Variants in STARD13 observed in about 807,000 individuals in gnomAD.
STARD13 encodes StAR related lipid transfer domain containing 13.
Under a neutral mutation model 106.4 loss-of-function variants are expected in STARD13, and 62 were observed. That is an observed-to-expected ratio of 0.58 (90% CI 0.48 to 0.72). The LOEUF is 0.72. Ranked by LOEUF, STARD13 falls within the 30% of genes least tolerant of loss-of-function variation. STARD13 has a pLI of 0.00. For synonymous variants in STARD13, 565 were observed against 553.0 expected, an observed-to-expected ratio of 1.02 and a Z score of -0.31; for missense variants, 1,387 against 1,424.0, an observed-to-expected ratio of 0.97 and a Z score of 0.42.
the STARD13 span, among the ~76,000 whole-genome samples, chr13:33,528,757 T>C: frequency 3.3e-5 from 5 of 152,256 alleles, no homozygotes; most frequent in South Asian, 2.1e-4. Context: ...GATTTCTTTT[T>C]TTCATCATAG....
intron 1 of STARD13, among the ~76,000 whole-genome samples, chr13:33,172,943 A>G (rs1191372642): frequency 6.6e-6 from 1 of 152,190 alleles, no homozygotes; most frequent in Non-Finnish European, 1.5e-5. Context: ...AATGTTCGTT[A>G]AAAGTACTTA....
intron 7 of STARD13, among the ~76,000 whole-genome samples, chr13:33,120,669 A>G (rs140483649): frequency 6.6e-6 from 1 of 152,214 alleles, no homozygotes; most frequent in African/African-American, 2.4e-5. Context: ...ATCAGATTCC[A>G]GTTATAGTAG....
chr13:33,236,080 T>A (rs1049034536), intron 1 of STARD13, among the ~76,000 whole-genome samples: 2 of 152,170 alleles, frequency 1.3e-5, no homozygotes, highest in Non-Finnish European at 2.9e-5. Flanking sequence ...GAAAACGTAC[T>A]GTTTTTATTA....
chr13:33,379,733 A>G, the STARD13 span, among the ~76,000 whole-genome samples: 1 of 152,244 alleles, frequency 6.6e-6, no homozygotes, highest in African/African-American at 2.4e-5. Flanking sequence ...ACAGTTCAGT[A>G]ACTTCCCCAA....
At chr13:33,454,391 C>A in the STARD13 span, among the ~76,000 whole-genome samples, 1 of 152,214 alleles carries the variant, frequency 6.6e-6, no homozygotes, top group Non-Finnish European at 1.5e-5. Flanking sequence ...TTCCTTTCTA[C>A]CTTCCCTAAG....
chr13:33,499,786 A>T, the STARD13 span, among the ~76,000 whole-genome samples: 2 of 118,708 alleles, frequency 1.7e-5, no homozygotes, highest in Non-Finnish European at 3.3e-5. Context: ...TTTTTTAGAG[A>T]CAAGGTCTTA....
At chr13:33,181,075 C>G (rs889004007) in intron 1 of STARD13, among the ~76,000 whole-genome samples, 2 of 152,106 alleles carry the variant, frequency 1.3e-5, no homozygotes, top group African/African-American at 4.8e-5. Flanking sequence ...TGAGGTTACA[C>G]AGCTTTCCTC....
the STARD13 span, among the ~76,000 whole-genome samples, chr13:33,536,627 ACTCT>A: frequency 6.6e-6 from 1 of 152,178 alleles, no homozygotes; most frequent in African/African-American, 2.4e-5. Flanking sequence ...GGGATTTATA[ACTCT>A]CTCTGGGCTA....
the STARD13 span, among the ~76,000 whole-genome samples, chr13:33,525,069 T>G: frequency 2.6e-5 from 4 of 152,168 alleles, no homozygotes; most frequent in Non-Finnish European, 5.9e-5. Flanking sequence ...TCACCCAGGC[T>G]GGAGTGCGGT....
chr13:33,571,257 T>C, the STARD13 span, among the ~76,000 whole-genome samples: 17 of 152,176 alleles, frequency 1.1e-4, no homozygotes, highest in African/African-American at 4.1e-4. Flanking sequence ...GGCTTGGCAA[T>C]TATAATTCAT....
At chr13:33,521,477 T>G in the STARD13 span, among the ~76,000 whole-genome samples, 1 of 152,246 alleles carries the variant, frequency 6.6e-6, no homozygotes, top group African/African-American at 2.4e-5. Flanking sequence ...TCTATCTTCC[T>G]AAAGATTCAC....
At chr13:33,635,122 G>A in the STARD13 span, among the ~76,000 whole-genome samples, 8 of 152,260 alleles carry the variant, frequency 5.3e-5, no homozygotes, top group East Asian at 1.5e-3. Flanking sequence ...TCTTGCCTTC[G>A]CTTTAGAAAA....
At chr13:33,348,432 A>G (rs762827001), downstream of STARD13, among the ~76,000 whole-genome samples, 2 of 152,178 alleles carry the variant, frequency 1.3e-5, no homozygotes, top group African/African-American at 2.4e-5. Context: ...TCCTTCCCAG[A>G]TCTCTTCTTG....
chr13:33,658,665 G>A, the STARD13 span, among the ~76,000 whole-genome samples: 11 of 152,190 alleles, frequency 7.2e-5, no homozygotes, highest in East Asian at 5.8e-4. Context: ...TTTGGTCTTC[G>A]TCCTCCTTTC....
At chr13:33,284,148 C>T (rs1891939401) in intron 1 of STARD13, among the ~76,000 whole-genome samples, 2 of 152,150 alleles carry the variant, frequency 1.3e-5, no homozygotes, top group African/African-American at 4.8e-5. Context: ...TGTTTCTATT[C>T]AATCAAGACC....
chr13:33,664,829 C>T, the STARD13 span, among the ~76,000 whole-genome samples: 2 of 152,192 alleles, frequency 1.3e-5, no homozygotes, highest in Non-Finnish European at 1.5e-5. Context: ...GGTTTCACCA[C>T]GTTAGCCACT....
chr13:33,568,336 C>A, the STARD13 span, among the ~76,000 whole-genome samples: 3 of 147,804 alleles, frequency 2.0e-5, 1 homozygote, highest in East Asian at 6.1e-4. Flanking sequence ...GCTTGGGTAC[C>A]CTGATGTGGT....
chr13:33,159,522 T>C (rs1334352556), intron 3 of STARD13, among the ~76,000 whole-genome samples: 1 of 152,228 alleles, frequency 6.6e-6, no homozygotes, highest in Non-Finnish European at 1.5e-5. Context: ...AGACAATCTT[T>C]GTCCTTGCAA....
intron 1 of STARD13, among the ~76,000 whole-genome samples, chr13:33,193,081 A>C (rs181976964): frequency 6.6e-6 from 1 of 152,336 alleles, no homozygotes; most frequent in African/African-American, 2.4e-5. Context: ...AAGCTTTTAA[A>C]ACATCTTTTT....
Sources: gnomAD v4.1 joint callset for allele counts (sites outside exome capture counted in the v4.1 genomes callset) on GRCh38, gnomAD v4.1.1 for gene constraint, MANE v1.5 for transcripts, NCBI Gene and HGNC (gene_info 2026-07-23, HGNC 2026-07-21) for gene names.